LIMS1: variants seen among roughly 807,000 people sequenced by gnomAD.
The protein encoded by LIMS1 is LIM and senescent cell antigen-like-containing domain protein 1.
In LIMS1, 18 loss-of-function variants were observed where a neutral mutation model predicts 44.1. The observed-to-expected ratio is 0.41, with a 90% confidence interval of 0.28 to 0.61. The LOEUF is 0.61. LIMS1 is among the 20% of genes least tolerant of loss of function. LIMS1 has a pLI of 0.32. For synonymous variants in LIMS1, 93 were observed against 149.1 expected (o/e 0.62, Z 2.74); for missense variants, 201 against 422.0 (o/e 0.48, Z 4.59).
At chr2:108,541,223 C>G (rs1256036367) in intron 1 of LIMS1, among the ~76,000 whole-genome samples, 1 of 152,206 alleles carries the variant, frequency 6.6e-6, no homozygotes, top group East Asian at 1.9e-4. Flanking sequence ...ACAAATGTTA[C>G]CAACTACTTA....
chr2:108,649,717 C>T (rs924485253), intron 1 of LIMS1, among the ~76,000 whole-genome samples: 1 of 152,094 alleles, frequency 6.6e-6, no homozygotes, highest in Non-Finnish European at 1.5e-5. Context: ...CAAACTAACA[C>T]GAGAACAAAA....
intron 1 of LIMS1, among the ~76,000 whole-genome samples, chr2:108,625,825 T>C (rs1397278009): frequency 1.3e-5 from 2 of 152,216 alleles, no homozygotes; most frequent in Non-Finnish European, 2.9e-5. Context: ...CCTTCCAAGC[T>C]CATATTTTTA....
exon 10 of LIMS1, chr2:108,685,901 C>G (rs1056174757): frequency 2.6e-5 from 4 of 152,120 alleles, no homozygotes; most frequent in African/African-American, 9.7e-5. Flanking sequence ...CAAGCATTTA[C>G]ATATATTCTT....
chr2:108,617,441 T>C (rs1687986742), intron 1 of LIMS1, among the ~76,000 whole-genome samples: 2 of 152,228 alleles, frequency 1.3e-5, no homozygotes, highest in African/African-American at 4.8e-5. Flanking sequence ...TCCAATACTG[T>C]AGAAGAAGTG....
intron 1 of LIMS1, among the ~76,000 whole-genome samples, chr2:108,585,288 CTG>C (rs1224954125): frequency 6.6e-6 from 1 of 151,790 alleles, no homozygotes; most frequent in Non-Finnish European, 1.5e-5. Flanking sequence ...CGCTTGCTGG[CTG>C]TGTCTGTTGG....
intron 3 of LIMS1, among the ~76,000 whole-genome samples, chr2:108,671,268 T>G (rs1177412885): frequency 6.6e-6 from 1 of 151,946 alleles, no homozygotes; most frequent in African/African-American, 2.4e-5. Context: ...GAATAACTGT[T>G]GGATACTTCA....
chr2:108,608,307 CTTTTT>C (rs113575713), intron 1 of LIMS1, among the ~76,000 whole-genome samples: 1 of 140,764 alleles, frequency 7.1e-6, no homozygotes, highest in South Asian at 2.2e-4. Context: ...TTTTCACTCA[CTTTTT>C]TTTTTTTTTT....
At chr2:108,542,594 C>G (rs942003963) in intron 1 of LIMS1, among the ~76,000 whole-genome samples, 1 of 152,218 alleles carries the variant, frequency 6.6e-6, no homozygotes, top group Non-Finnish European at 1.5e-5. Flanking sequence ...AAGGCTTTTT[C>G]TTGGCATGTC....
chr2:108,548,916 A>G (rs12473539), intron 1 of LIMS1, among the ~76,000 whole-genome samples: 55,128 of 152,114 alleles, frequency 0.36, 11,873 homozygotes, highest in East Asian at 0.88. Flanking sequence ...ATAAAGCATT[A>G]CTGGAGATTA....
At chr2:108,547,524 T>C (rs1684521056) in intron 1 of LIMS1, among the ~76,000 whole-genome samples, 1 of 152,196 alleles carries the variant, frequency 6.6e-6, no homozygotes, top group African/African-American at 2.4e-5. Context: ...AGAGGGACTG[T>C]TGGCAGTTTG....
intron 1 of LIMS1, chr2:108,621,114 A>G: frequency 2.0e-6 from 1 of 499,604 alleles, no homozygotes; most frequent in Middle Eastern, 5.8e-4. Context: ...CTTCTTGGTC[A>G]CCGCTTCCCC....
intron 1 of LIMS1, among the ~76,000 whole-genome samples, chr2:108,564,061 A>AG (rs1267085286): frequency 1.3e-5 from 2 of 151,056 alleles, no homozygotes; most frequent in Non-Finnish European, 3.0e-5. Flanking sequence ...AAAAAAAAAA[A>AG]AGGAAAAGGA....
At chr2:108,549,708 CA>C (rs1684619789) in intron 1 of LIMS1, among the ~76,000 whole-genome samples, 1 of 151,780 alleles carries the variant, frequency 6.6e-6, no homozygotes, top group Non-Finnish European at 1.5e-5. Context: ...ATCAGAATTC[CA>C]AGTGGAATTC....
At chr2:108,547,701 T>C (rs930978554) in intron 1 of LIMS1, among the ~76,000 whole-genome samples, 3 of 152,346 alleles carry the variant, frequency 2.0e-5, no homozygotes, top group African/African-American at 7.2e-5. Flanking sequence ...TTCTCCACTT[T>C]CAAATTTTTC....
At chr2:108,573,611 G>A (rs1335991313) in intron 1 of LIMS1, among the ~76,000 whole-genome samples, 1 of 152,188 alleles carries the variant, frequency 6.6e-6, no homozygotes, top group Non-Finnish European at 1.5e-5. Flanking sequence ...TAGAGACCAG[G>A]TGTATGCTTG....
intron 1 of LIMS1, among the ~76,000 whole-genome samples, chr2:108,546,563 G>A (rs765295288): frequency 6.6e-4 from 100 of 151,936 alleles, no homozygotes; most frequent in Non-Finnish European, 1.2e-3. Flanking sequence ...CTCATATTAA[G>A]TGATCCCTGT....
chr2:108,539,752 C>T (rs1225271412), intron 1 of LIMS1, among the ~76,000 whole-genome samples: 1 of 152,144 alleles, frequency 6.6e-6, no homozygotes, highest in Non-Finnish European at 1.5e-5. Flanking sequence ...CCATTTAACA[C>T]CATGCCAGGA....
In LIMS1 at chr2:108,571,769, A is replaced by G. The variant is rs148637607; in HGVS notation, c.32+37175A>G. On this transcript the variant is annotated intron_variant, in intron 1 of 9. Coordinates refer to ENST00000544547, the Ensembl canonical transcript of LIMS1. ...ACTTTTCAGTTTCTGACAATTTAGC[A>G]CATAATTCTGTATGATAAGAAAATA... 5.3e-5 allele frequency among the ~76,000 whole-genome samples: 8 copies of G among 152,308 alleles called. No individual in the cohort carries two copies. The East Asian group carries it at 1.2e-3, about 22-fold the overall frequency.
rs201205406 is a variant in LIMS1, at chr2:108,609,556, C to G, written c.33-50049C>G. 5.3e-5 allele frequency among the ~76,000 whole-genome samples: 8 copies of G among 152,362 alleles called. No individual in the cohort carries two copies. The East Asian group carries it at 1.2e-3, about 22-fold the overall frequency. Reference sequence around the variant, plus strand: ...CCTTCCCATGCCTTTGCATTCTCCTCTCCATCTAGAATATTCTCTCCTCCC... The same window carrying G: ...CCTTCCCATGCCTTTGCATTCTCCTGTCCATCTAGAATATTCTCTCCTCCC... On this transcript the variant is annotated intron_variant, in intron 1 of 9. Transcript: ENST00000544547.
Sources: allele counts gnomAD v4.1 joint callset (sites outside exome capture counted in the v4.1 genomes callset), GRCh38; gene constraint gnomAD v4.1.1; transcripts MANE v1.5; gene names NCBI Gene and HGNC (gene_info 2026-07-23, HGNC 2026-07-21).